Variants in EEPD1 observed in about 807,000 individuals in gnomAD.
EEPD1 encodes the protein endonuclease/exonuclease/phosphatase family domain containing 1.
Under a neutral mutation model 46.3 loss-of-function variants are expected in EEPD1, and 17 were observed. That is an observed-to-expected ratio of 0.37 (90% CI 0.25 to 0.55). The LOEUF (loss-of-function observed/expected upper bound fraction) is 0.55, where lower values mean the gene tolerates loss of function less well. Ranked by LOEUF, EEPD1 falls within the 20% of genes least tolerant of loss-of-function variation. EEPD1 has a pLI of 0.83. For synonymous variants in EEPD1, 313 were observed against 315.6 expected (o/e 0.99, Z 0.09); for missense variants, 673 against 745.6 (o/e 0.90, Z 1.13).
rs923513860 is a variant in EEPD1 at position 36,287,894 on chromosome 7, G to A, written c.1315+117G>A. 8.4e-6 allele frequency: 12 copies of A among 1,424,916 alleles called. No individual in the cohort carries two copies. The African/African-American group carries it at 1.4e-4, about 17-fold the overall frequency. The allele number at this position is 1,424,916 out of a possible 1,614,324, so 88.3% of individuals were successfully genotyped here. A position where few individuals can be genotyped will look rare whatever the true frequency, so the allele number is the denominator to read the frequency against. On this transcript the variant is annotated intron_variant, in intron 6 of 7. Coordinates refer to ENST00000242108, the MANE Select transcript of EEPD1 (RefSeq NM_030636.3). ...TGTTTGTCAGCAATGTGAGTCGCGG[G>A]TACAGGGGACAGTCAAACCTCTGGC... is the stretch of plus-strand genomic sequence containing the variant.
intron 2 of EEPD1, among the ~76,000 whole-genome samples, chr7:36,170,310 G>C (rs1785055641): frequency 6.6e-6 from 1 of 152,152 alleles, no homozygotes; most frequent in Non-Finnish European, 1.5e-5. Flanking sequence ...TCAGGAGGCT[G>C]AGGCAGGAGA....
At chr7:36,197,454 A>G (rs927594023) in intron 2 of EEPD1, among the ~76,000 whole-genome samples, 4 of 152,234 alleles carry the variant, frequency 2.6e-5, no homozygotes, top group Admixed American at 2.6e-4. Context: ...TGACGATAGC[A>G]GTTTTGTGGA....
intron 2 of EEPD1, among the ~76,000 whole-genome samples, chr7:36,165,481 G>A (rs750379327): frequency 7.6e-6 from 1 of 131,790 alleles, no homozygotes; most frequent in Non-Finnish European, 1.6e-5. Flanking sequence ...GTGCAATGGA[G>A]CAATCTCAGC....
intron 2 of EEPD1, among the ~76,000 whole-genome samples, chr7:36,218,689 T>C (rs2065052654): frequency 6.6e-6 from 1 of 152,218 alleles, no homozygotes; most frequent in Non-Finnish European, 1.5e-5. Flanking sequence ...TGTGGGTCAC[T>C]GAAACCATAA....
At chr7:36,181,907 C>T (rs1583792294) in intron 2 of EEPD1, among the ~76,000 whole-genome samples, 1 of 152,200 alleles carries the variant, frequency 6.6e-6, no homozygotes, top group Admixed American at 6.5e-5. Context: ...CCATCTGTTA[C>T]TCCTTCTCCA....
chr7:36,260,987 A>G (rs1786913093), intron 3 of EEPD1, among the ~76,000 whole-genome samples: 1 of 152,210 alleles, frequency 6.6e-6, no homozygotes, highest in African/African-American at 2.4e-5. Context: ...ATAGATTATA[A>G]ACAAATACTG....
intron 6 of EEPD1, among the ~76,000 whole-genome samples, chr7:36,293,740 G>A (rs1386330573): frequency 6.6e-6 from 1 of 152,160 alleles, no homozygotes; most frequent in East Asian, 1.9e-4. Context: ...AAGGCGGACA[G>A]ATCACCTGAG....
At chr7:36,168,897 C>T (rs1785034482) in intron 2 of EEPD1, among the ~76,000 whole-genome samples, 1 of 152,156 alleles carries the variant, frequency 6.6e-6, no homozygotes, top group Non-Finnish European at 1.5e-5. Context: ...TTTAGGAAGT[C>T]ATCTGATTCA....
At chr7:36,231,517 C>T (rs868099162) in intron 2 of EEPD1, among the ~76,000 whole-genome samples, 9 of 152,128 alleles carry the variant, frequency 5.9e-5, no homozygotes, top group Non-Finnish European at 8.8e-5. Flanking sequence ...CTCTTAGGCC[C>T]GGATCTACTG....
At chr7:36,296,961 T>C (rs766479139) in intron 6 of EEPD1, 32 bp from the exon 7 acceptor site, 44 of 1,611,148 alleles carry the variant, frequency 2.7e-5, no homozygotes, top group Middle Eastern at 3.3e-4. Flanking sequence ...TCCCAACAAC[T>C]CTTAAACTCA....
Position 36,168,690 on chromosome 7 carries a change from G to A in EEPD1, c.878+13488G>A, listed in dbSNP as rs562642595. Reference sequence around the variant, plus strand: ...GGAGAAAGGCATGAACCCAGGAGGCGGAGCTTGCAGTGAGCGAAGATTGTG... The same window carrying A: ...GGAGAAAGGCATGAACCCAGGAGGCAGAGCTTGCAGTGAGCGAAGATTGTG... On this transcript the variant is annotated intron_variant, in intron 2 of 7. Coordinates refer to ENST00000242108, the MANE Select transcript of EEPD1 (RefSeq NM_030636.3). Among the ~76,000 whole-genome samples, 52 of 151,762 alleles carry A rather than the reference G, an allele frequency of 3.4e-4. 1 individual carries two copies. The highest frequency in any genetic ancestry group is 7.0e-4 in the African/African-American group (29 of 41,320).
At chr7:36,292,479 CTCTT>C (rs1389968416) in intron 6 of EEPD1, among the ~76,000 whole-genome samples, 1 of 147,426 alleles carries the variant, frequency 6.8e-6, no homozygotes, top group African/African-American at 2.5e-5. Context: ...CTCTCTCTCT[CTCTT>C]TCTCTCTCTT....
chr7:36,287,682 C>T lies in EEPD1; in HGVS notation c.1220C>T (p.Ala407Val), dbSNP rs769493223. The T allele has an allele frequency of 1.2e-6, 2 of 1,614,058 alleles. No individual in the cohort carries two copies. Among genetic ancestry groups the T allele is most frequent in the Admixed American group, 3.3e-5 (2 of 60,014 alleles). ...ACCCTTGTTAACCTTCACCTGGCAGCCCTGACCCTCCTGGGGAGCGAGAAT... is the reference window on the plus strand; with the variant it reads ...ACCCTTGTTAACCTTCACCTGGCAGTCCTGACCCTCCTGGGGAGCGAGAAT... ...DLTLVNLHLA[A>V]LTLLGSENPS... The change falls in exon 6 of 8, where the codon GCC becomes GTC. Residue 407 changes from alanine (A) to valine (V), a missense_variant. Coordinates refer to ENST00000242108, the MANE Select transcript of EEPD1 (RefSeq NM_030636.3).
At position 36,225,808 on chromosome 7, in the gene EEPD1, T is replaced by G. The variant is rs929183147; in HGVS notation, c.879-13177T>G. On this transcript the variant is annotated intron_variant, in intron 2 of 7. Transcript: ENST00000242108. The surrounding 1 kb of genome is among the most constrained non-coding windows in gnomAD (Gnocchi z 4.2). ...CCCTCTACAAAATTTGGGGGTTATG[T>G]AGCAACCCAAACAATTTTATGCTCA... Among the ~76,000 whole-genome samples, 1 of 152,324 alleles carries G rather than the reference T, an allele frequency of 6.6e-6. No individual in the cohort carries two copies. Among genetic ancestry groups the G allele is most frequent in the African/African-American group, 2.4e-5 (1 of 41,558 alleles).
intron 2 of EEPD1, among the ~76,000 whole-genome samples, chr7:36,164,386 A>G (rs1784947713): frequency 6.6e-6 from 1 of 152,236 alleles, no homozygotes; most frequent in African/African-American, 2.4e-5. Context: ...TCTGGTAAGC[A>G]CATGATGCCC....
Position 36,299,182 on chromosome 7 carries a change from A to G in EEPD1, c.1686A>G (p.Glu562=), listed in dbSNP as rs199800754. ...NGSGVALERS[E]ANIKHER ...GCGGGGTGGCCTTGGAGCGAAGTGA[A>G]GCCAACATCAAGCACGAGCGATGAT... is the stretch of plus-strand genomic sequence containing the variant. The change falls in exon 8 of 8, where the codon GAA becomes GAG. Residue 562 remains glutamate (E), a synonymous_variant. Transcript: ENST00000242108. 2.6e-4 allele frequency: 413 copies of G among 1,614,190 alleles called. 1 individual carries two copies. The highest frequency in any genetic ancestry group is 5.9e-5 in the Non-Finnish European group (70 of 1,180,022).
rs1477892561 is a variant in EEPD1 at position 36,155,172 on chromosome 7, A to G, written c.848A>G (p.Glu283Gly). The G allele has an allele frequency of 3.9e-6, 6 of 1,519,990 alleles. No homozygotes were observed. The highest frequency in any genetic ancestry group is 5.3e-6 in the Non-Finnish European group (6 of 1,135,104). The allele number at this position is 1,519,990 out of a possible 1,614,324, so 94.2% of individuals were successfully genotyped here. Residue 283 changes from glutamate (E) to glycine (G), a missense_variant, in exon 2 of 8, where the codon GAG becomes GGG. Glu to Gly is a moderately conservative substitution (Grantham distance 98, BLOSUM62 -2). Coordinates refer to ENST00000242108, the MANE Select transcript of EEPD1 (RefSeq NM_030636.3). Reference sequence around the variant, plus strand: ...AAGGCCAACAACCCCGGGGTGCGAGAGGTGGTGTGCATGACACTCCTGGAA... The same window carrying G: ...AAGGCCAACAACCCCGGGGTGCGAGGGGTGGTGTGCATGACACTCCTGGAA... The part of the protein sequence containing the change: ...VEKANNPGVR[E>G]VVCMTLLENS...
At chr7:36,257,427 G>A (rs1300430353) in intron 3 of EEPD1, among the ~76,000 whole-genome samples, 1 of 151,992 alleles carries the variant, frequency 6.6e-6, no homozygotes, top group African/African-American at 2.4e-5. Context: ...TTCCAAGTTG[G>A]TTTCCATTCT....
intron 2 of EEPD1, among the ~76,000 whole-genome samples, chr7:36,235,646 C>T (rs1045885374): frequency 2.0e-5 from 3 of 152,348 alleles, no homozygotes; most frequent in East Asian, 1.9e-4. Context: ...CACAGTAGGG[C>T]GCTGTCAATG....
Sources: allele counts gnomAD v4.1 joint callset (sites outside exome capture counted in the v4.1 genomes callset), GRCh38; gene constraint gnomAD v4.1.1; non-coding constraint Gnocchi (gnomAD v3.1); transcripts MANE v1.5; gene names NCBI Gene and HGNC (gene_info 2026-07-23, HGNC 2026-07-21).